GRM1: variants seen among roughly 807,000 people sequenced by gnomAD.
GRM1 encodes glutamate metabotropic receptor 1, also known as metabotropic glutamate receptor 1.
In GRM1, 33 loss-of-function variants were observed where a neutral mutation model predicts 90.9. The ratio of observed to expected loss-of-function variants is 0.36; its 90% CI spans 0.28 to 0.49. The LOEUF is 0.49. Ranked by LOEUF, GRM1 falls within the 20% of genes least tolerant of loss-of-function variation. The pLI is 0.99. For missense variants in GRM1, 1,190 were observed against 1,534.3 expected (o/e 0.78, Z 3.75); for synonymous variants, 700 against 613.2 (o/e 1.14, Z -2.09).
chr6:146,362,227 C>G (rs1025119225), intron 5 of GRM1, among the ~76,000 whole-genome samples: 3 of 152,168 alleles, frequency 2.0e-5, no homozygotes, highest in Non-Finnish European at 4.4e-5. Flanking sequence ...TGACAGAATT[C>G]TGGAGATATT....
intron 2 of GRM1, among the ~76,000 whole-genome samples, chr6:146,274,660 ATATT>A (rs1251421770): frequency 6.6e-6 from 1 of 152,218 alleles, no homozygotes; most frequent in African/African-American, 2.4e-5. Flanking sequence ...TGTTGAATAT[ATATT>A]AGTTATTAAT....
intron 7 of GRM1, among the ~76,000 whole-genome samples, chr6:146,417,194 T>C (rs1368923969): frequency 6.6e-6 from 1 of 152,232 alleles, no homozygotes; most frequent in Non-Finnish European, 1.5e-5. Context: ...ATGATCCGCT[T>C]ACCTCTCTGA....
At chr6:146,204,300 A>T (rs921710798) in intron 2 of GRM1, among the ~76,000 whole-genome samples, 1 of 152,260 alleles carries the variant, frequency 6.6e-6, no homozygotes, top group Non-Finnish European at 1.5e-5. Flanking sequence ...AGAAGTTTCT[A>T]TTGATGAAAG....
rs549545009 is a variant in GRM1, at chr6:146,119,198, C to T, written c.701-40150C>T. Among the ~76,000 whole-genome samples the T allele has an allele frequency of 1.1e-3, 160 of 152,278 alleles. 1 individual carries two copies. In the South Asian group the frequency reaches 0.011, roughly 10 times the overall value. On this transcript the variant is annotated intron_variant, in intron 1 of 7. Coordinates refer to ENST00000282753, the MANE Select transcript of GRM1 (RefSeq NM_001278064.2). The stretch of plus-strand genomic sequence containing the variant: ...GCATTTCTCTGATGGCCAGTGATGA[C>T]GAGCATTTTTTCATTTGTCTATTGG...
chr6:146,072,991 A>AAG (rs1776064763), intron 1 of GRM1, among the ~76,000 whole-genome samples: 1 of 152,126 alleles, frequency 6.6e-6, no homozygotes, highest in African/African-American at 2.4e-5. Flanking sequence ...CTGAATATGT[A>AAG]TACTCAGATG....
chr6:146,145,009 A>G (rs1777033688), intron 1 of GRM1, among the ~76,000 whole-genome samples: 1 of 152,232 alleles, frequency 6.6e-6, no homozygotes, highest in Non-Finnish European at 1.5e-5. Flanking sequence ...CTTTGTGGAA[A>G]GTCCAACTTA....
At chr6:146,256,380 T>C (rs1416085563) in intron 2 of GRM1, among the ~76,000 whole-genome samples, 1 of 152,092 alleles carries the variant, frequency 6.6e-6, no homozygotes, top group African/African-American at 2.4e-5. Flanking sequence ...GAAGAGTGAG[T>C]TCCTCCACTA....
Position 146,029,488 on chromosome 6 carries a change from T to A in GRM1, c.-30T>A. ...AGCGGGACCAGCGTGGGAACGCGGC[T>A]GGCAGGCTGTGGACCTCGTCCTCAC... On this transcript the variant is annotated 5_prime_UTR_variant, in exon 1 of 8. Transcript: ENST00000282753. 1 of 1,562,280 alleles carries A rather than the reference T, an allele frequency of 6.4e-7. No homozygotes were observed.
intron 2 of GRM1, among the ~76,000 whole-genome samples, chr6:146,233,001 C>T (rs567035477): frequency 6.6e-6 from 1 of 151,922 alleles, no homozygotes; most frequent in Admixed American, 6.6e-5. Context: ...TATTCTGTGT[C>T]TTTCCTTTCT....
At chr6:146,202,065 T>C (rs559152509) in intron 2 of GRM1, among the ~76,000 whole-genome samples, 1 of 152,288 alleles carries the variant, frequency 6.6e-6, no homozygotes, top group South Asian at 2.1e-4. Flanking sequence ...GGGACTCTGA[T>C]AGCCAGAGAG....
intron 2 of GRM1, among the ~76,000 whole-genome samples, chr6:146,259,967 T>C (rs1781627101): frequency 6.7e-6 from 1 of 148,264 alleles, no homozygotes; most frequent in African/African-American, 2.4e-5. Context: ...TTTATATATA[T>C]ATATATTTAT....
chr6:146,273,241 TGGGGCTTCCTTGGTGTA>T (rs1782235135), intron 2 of GRM1, among the ~76,000 whole-genome samples: 1 of 152,166 alleles, frequency 6.6e-6, no homozygotes, highest in South Asian at 2.1e-4. Context: ...GTGAATAGTA[TGGGGCTTCCTTGGTGTA>T]GGGGCTTCCT....
intron 3 of GRM1, among the ~76,000 whole-genome samples, chr6:146,338,136 T>C (rs1301840714): frequency 1.3e-5 from 2 of 152,082 alleles, no homozygotes; most frequent in Admixed American, 1.3e-4. Context: ...ACAGGAAAAA[T>C]AAAAACTTCC....
chr6:146,125,458 T>A (rs946149788), intron 1 of GRM1, among the ~76,000 whole-genome samples: 1 of 151,568 alleles, frequency 6.6e-6, no homozygotes, highest in African/African-American at 2.4e-5. Context: ...TTTCTTTCTT[T>A]CTCTGCCCCC....
intron 5 of GRM1, among the ~76,000 whole-genome samples, chr6:146,379,111 A>G (rs1441535463): frequency 6.6e-6 from 1 of 152,110 alleles, no homozygotes; most frequent in Non-Finnish European, 1.5e-5. Context: ...GGATATTGAT[A>G]TCTTACTCTA....
chr6:146,378,779 T>C (rs1776206756), intron 5 of GRM1, among the ~76,000 whole-genome samples: 1 of 152,172 alleles, frequency 6.6e-6, no homozygotes, highest in Non-Finnish European at 1.5e-5. Context: ...ATAATAGGTC[T>C]TGAAATGTGA....
chr6:146,195,237 A>G (rs9322051), intron 2 of GRM1, among the ~76,000 whole-genome samples: 37,558 of 152,152 alleles, frequency 0.25, 8,053 homozygotes, highest in African/African-American at 0.58. Flanking sequence ...TAAAGTGGTA[A>G]TTTAATTTTA....
chr6:146,431,016 G>A (rs1358295508), intron 7 of GRM1, among the ~76,000 whole-genome samples: 1 of 152,148 alleles, frequency 6.6e-6, no homozygotes, highest in African/African-American at 2.4e-5. Context: ...ATGGACCACA[G>A]GTAAGAAATG....
At chr6:146,379,912 C>A (rs527959913) in intron 5 of GRM1, among the ~76,000 whole-genome samples, 1 of 149,180 alleles carries the variant, frequency 6.7e-6, no homozygotes, top group Non-Finnish European at 1.5e-5. Context: ...CTTACTTTCT[C>A]TCAAACATAC....
Sources: gnomAD v4.1 joint callset for allele counts (sites outside exome capture counted in the v4.1 genomes callset) on GRCh38, gnomAD v4.1.1 for gene constraint, MANE v1.5 for transcripts, NCBI Gene and HGNC (gene_info 2026-07-23, HGNC 2026-07-21) for gene names.